The following FBN1 variants were observed in gnomAD, a reference collection of about 807,000 sequenced individuals.
FBN1 encodes the protein fibrillin 1.
In FBN1, 29 loss-of-function variants were observed where a neutral mutation model predicts 365.1. That is an observed-to-expected ratio of 0.08 (90% CI 0.06 to 0.11). The LOEUF is 0.11. Ranked by LOEUF, FBN1 falls within the 10% of genes least tolerant of loss-of-function variation. The pLI, the probability that FBN1 is intolerant of heterozygous loss-of-function variation, is 1.00. For missense variants in FBN1, 2,476 were observed against 3,703.2 expected (o/e 0.67, Z 8.60); for synonymous variants, 1,210 against 1,270.5 (o/e 0.95, Z 1.01).
intron 24 of FBN1, among the ~76,000 whole-genome samples, chr15:48,491,263 T>C (rs1417101063): frequency 1.3e-5 from 2 of 152,224 alleles, no homozygotes; most frequent in Non-Finnish European, 2.9e-5. Context: ...CACTATAAAC[T>C]ATAAAGTTCA....
intron 27 of FBN1, 151 bp from the exon 28 acceptor site, chr15:48,487,588 C>T (rs918073649): frequency 2.6e-6 from 3 of 1,146,904 alleles, no homozygotes; most frequent in Non-Finnish European, 3.8e-6. Context: ...ACCAGATCTC[C>T]CTGCAGGATC....
chr15:48,599,573 C>T (rs1364152340), intron 5 of FBN1, among the ~76,000 whole-genome samples: 2 of 151,480 alleles, frequency 1.3e-5, no homozygotes, highest in Non-Finnish European at 2.9e-5. Context: ...AAAGAATGTT[C>T]GTCTTCTGCA....
chr15:48,419,103 C>T (rs2042921332), intron 63 of FBN1, among the ~76,000 whole-genome samples: 1 of 152,166 alleles, frequency 6.6e-6, no homozygotes, highest in African/African-American at 2.4e-5. Context: ...GCTATTTTAG[C>T]CCACGGCAAT....
intron 6 of FBN1, among the ~76,000 whole-genome samples, chr15:48,570,507 C>T (rs913527914): frequency 4.0e-5 from 6 of 151,238 alleles, no homozygotes; most frequent in African/African-American, 7.3e-5. Flanking sequence ...GAGATACTCA[C>T]GTAACTTCAG....
intron 49 of FBN1, among the ~76,000 whole-genome samples, chr15:48,443,123 C>T (rs1187270159): frequency 6.6e-6 from 1 of 152,180 alleles, no homozygotes; most frequent in Non-Finnish European, 1.5e-5. Flanking sequence ...AAATCAGCTT[C>T]TCCATCATGC....
At chr15:48,591,729 C>T (rs1023088096) in intron 6 of FBN1, among the ~76,000 whole-genome samples, 2 of 151,888 alleles carry the variant, frequency 1.3e-5, no homozygotes, top group African/African-American at 4.8e-5. Context: ...TGGCCCCTTT[C>T]CAGTGAGGTC....
In FBN1 at chr15:48,613,153, A is replaced by C. The variant is rs2044670496; in HGVS notation, c.165-61T>G. ...AAAAGAAGAAGAGGAAGAGATGGCC[A>C]AATAAAAGGAAAAAAAATTCCTGAG... On this transcript the variant is annotated intron_variant, in intron 2 of 65. Coordinates refer to ENST00000316623, the MANE Select transcript of FBN1 (RefSeq NM_000138.5). 4 of 1,288,222 alleles carry C rather than the reference A, an allele frequency of 3.1e-6. No individual in the cohort carries two copies. The Admixed American group carries it at 6.8e-5, about 22-fold the overall frequency. The allele number at this position is 1,288,222 out of a possible 1,614,324, so 79.8% of individuals were successfully genotyped here.
intron 65 of FBN1, among the ~76,000 whole-genome samples, chr15:48,412,198 C>A (rs1203586939): frequency 6.6e-6 from 1 of 152,232 alleles, no homozygotes; most frequent in Non-Finnish European, 1.5e-5. Context: ...GTAGAGGAGC[C>A]TCTAGCTTTC....
rs747869849 is a variant in FBN1, at chr15:48,410,953, T to C, written c.*37A>G. 7.6e-6 allele frequency: 12 copies of C among 1,588,012 alleles called. No homozygotes were observed. The South Asian group carries it at 1.3e-4, about 18-fold the overall frequency. ...AAATATAGTTCTACCTATCTATATT[T>C]GTTTTTCTTTTAATTATTTGGTCTC... is the stretch of plus-strand genomic sequence containing the variant. On this transcript the variant is annotated 3_prime_UTR_variant, in exon 66 of 66. Transcript: ENST00000316623.
chr15:48,445,184 GTATA>G (rs979420871), intron 48 of FBN1, among the ~76,000 whole-genome samples, 188 bp downstream of exon 48: 2 of 132,314 alleles, frequency 1.5e-5, no homozygotes, highest in African/African-American at 5.6e-5. Context: ...ATATATATAT[GTATA>G]TATATATACA....
At chr15:48,455,980 C>T (rs182204733) in intron 44 of FBN1, among the ~76,000 whole-genome samples, 308 of 152,160 alleles carry the variant, frequency 2.0e-3, no homozygotes, top group Non-Finnish European at 3.5e-3. Flanking sequence ...CTATCCTGGG[C>T]ACATGGTATA....
intron 19 of FBN1, among the ~76,000 whole-genome samples, chr15:48,496,813 C>G (rs1396184507): frequency 1.3e-5 from 2 of 152,100 alleles, no homozygotes; most frequent in African/African-American, 4.8e-5. Flanking sequence ...GAATAATATG[C>G]CTGTCTGAAG....
At chr15:48,524,975 C>T (rs1167059929) in intron 9 of FBN1, among the ~76,000 whole-genome samples, 1 of 152,296 alleles carries the variant, frequency 6.6e-6, no homozygotes, top group South Asian at 2.1e-4. Flanking sequence ...TAGTTTGAAG[C>T]TCTCTTAAAA....
chr15:48,420,125 C>T (rs1460220186), intron 63 of FBN1, among the ~76,000 whole-genome samples: 1 of 152,022 alleles, frequency 6.6e-6, no homozygotes, highest in African/African-American at 2.4e-5. Context: ...TCAAAGATGA[C>T]ATCATTTCAA....
At chr15:48,479,311 G>A (rs1489242849) in intron 32 of FBN1, among the ~76,000 whole-genome samples, 1 of 152,200 alleles carries the variant, frequency 6.6e-6, no homozygotes, top group Non-Finnish European at 1.5e-5. Context: ...CCAATCAAAT[G>A]TGATGCCCTT....
At chr15:48,616,778 C>T (rs1889662198) in intron 2 of FBN1, among the ~76,000 whole-genome samples, 1 of 152,098 alleles carries the variant, frequency 6.6e-6, no homozygotes, top group South Asian at 2.1e-4. Flanking sequence ...GTAGCAATAA[C>T]ATTCAACAAA....
chr15:48,469,885 G>A (rs570359680), intron 36 of FBN1, among the ~76,000 whole-genome samples: 37 of 152,264 alleles, frequency 2.4e-4, no homozygotes, highest in African/African-American at 8.9e-4. Flanking sequence ...CAGAGCATTT[G>A]CAGGGTGGTG....
intron 15 of FBN1, among the ~76,000 whole-genome samples, chr15:48,506,517 G>A (rs1284947798): frequency 1.3e-5 from 2 of 152,200 alleles, no homozygotes; most frequent in East Asian, 1.9e-4. Context: ...ACAGCAAAAC[G>A]TGGAGACTAC....
At chr15:48,591,507 T>C (rs1485830611) in intron 6 of FBN1, among the ~76,000 whole-genome samples, 1 of 152,242 alleles carries the variant, frequency 6.6e-6, no homozygotes, top group African/African-American at 2.4e-5. Context: ...CATTTATATG[T>C]CCTGTAAACA....
Sources: gnomAD v4.1 joint callset for allele counts (sites outside exome capture counted in the v4.1 genomes callset) on GRCh38, gnomAD v4.1.1 for gene constraint, MANE v1.5 for transcripts, NCBI Gene and HGNC (gene_info 2026-07-23, HGNC 2026-07-21) for gene names.